The following ANO3 variants were observed in gnomAD, a reference collection of about 807,000 sequenced individuals.
ANO3 encodes anoctamin 3.
ANO3 carries 99 observed loss-of-function variants against 144.8 expected under a neutral mutation model. That is an observed-to-expected ratio of 0.68 (90% CI 0.58 to 0.81). ANO3 has a LOEUF of 0.81. Among genes scored for constraint, ANO3 ranks in the 30% least tolerant of loss-of-function variants. The pLI is 0.00. For missense variants in ANO3, 905 were observed against 1,202.2 expected, an observed-to-expected ratio of 0.75 and a Z score of 3.66; for synonymous variants, 414 against 392.6, an observed-to-expected ratio of 1.05 and a Z score of -0.64.
chr11:26,194,330 G>A (rs1411637522), intron 1 of ANO3, among the ~76,000 whole-genome samples: 1 of 152,040 alleles, frequency 6.6e-6, no homozygotes, highest in African/African-American at 2.4e-5. Context: ...TGTTACTGAT[G>A]AGTAATTTTA....
intron 1 of ANO3, among the ~76,000 whole-genome samples, chr11:26,302,608 AT>A (rs1854262525): frequency 1.3e-5 from 2 of 152,014 alleles, no homozygotes; most frequent in African/African-American, 2.4e-5. Context: ...CTATTTATAT[AT>A]TTACCATTAT....
chr11:26,578,109 A>C (rs1411202809), intron 14 of ANO3, among the ~76,000 whole-genome samples: 4 of 152,220 alleles, frequency 2.6e-5, no homozygotes, highest in African/African-American at 7.2e-5. Context: ...CCAGAGTACT[A>C]GAAAGATTAT....
intron 1 of ANO3, among the ~76,000 whole-genome samples, chr11:26,366,000 A>T (rs199839535): frequency 0.91 from 126,833 of 139,280 alleles, 57,481 homozygotes; most frequent in East Asian, 0.95. Context: ...ATATATATAT[A>T]TATTTTAATT....
chr11:26,313,015 T>C (rs1055326327), intron 1 of ANO3, among the ~76,000 whole-genome samples: 4 of 152,248 alleles, frequency 2.6e-5, no homozygotes, highest in African/African-American at 7.2e-5. Flanking sequence ...CTTTAATCTT[T>C]ATTGTTTCAA....
rs34078380 is a variant in ANO3, at chr11:26,358,170, C to CTTTTTTT, written c.46+25863_46+25869dup. ...CATGAAGCTTAGAATACAATTTCAA[C>CTTTTTTT]TTTTTTTTTTTTTTTTTTTTGAGAT... On this transcript the variant is annotated intron_variant, in intron 1 of 26. Transcript: ENST00000256737. Among the ~76,000 whole-genome samples the CTTTTTTT allele has an allele frequency of 6.7e-5, 8 of 119,658 alleles. 2 individuals are homozygous for CTTTTTTT. The highest frequency in any genetic ancestry group is 1.2e-4 in the African/African-American group (4 of 32,330). The allele number at this position is 119,658 out of a possible 152,430, so 78.5% of individuals were successfully genotyped here. A position where few individuals can be genotyped will look rare whatever the true frequency, so the allele number is the denominator to read the frequency against.
chr11:26,424,176 C>G (rs1459484267), intron 1 of ANO3, among the ~76,000 whole-genome samples: 1 of 150,698 alleles, frequency 6.6e-6, no homozygotes, highest in Non-Finnish European at 1.5e-5. Flanking sequence ...ATTTTTTTTA[C>G]TCTTATAAAT....
intron 17 of ANO3, among the ~76,000 whole-genome samples, chr11:26,610,019 C>G (rs759049259): frequency 6.6e-6 from 1 of 152,242 alleles, no homozygotes; most frequent in African/African-American, 2.4e-5. Flanking sequence ...TCAAGCGATT[C>G]TCCTGCCTCA....
intron 23 of ANO3, among the ~76,000 whole-genome samples, chr11:26,644,850 T>C (rs73436337): frequency 0.27 from 32,399 of 119,368 alleles, 3,660 homozygotes; most frequent in East Asian, 0.39. Flanking sequence ...CACACACACA[T>C]ACCATATATA....
At chr11:26,193,136 CTTTTTTTTT>C (rs34069836) in intron 1 of ANO3, among the ~76,000 whole-genome samples, 1 of 82,570 alleles carries the variant, frequency 1.2e-5, no homozygotes, top group Non-Finnish European at 2.2e-5. Context: ...TTTTGCCTAT[CTTTTTTTTT>C]TTTTTTTTTT....
rs1276381738 is a variant in ANO3, at chr11:26,534,488, G to T, written c.902G>T (p.Ser301Ile). The change falls in exon 9 of 27, where the codon AGC (serine) becomes ATC (isoleucine). Residue 301 changes from serine (S) to isoleucine (I), a missense_variant. Physicochemically the swap from Ser to Ile is moderately radical, Grantham distance 142 (BLOSUM62 -2). Coordinates refer to ENST00000256737, the MANE Select transcript of ANO3 (RefSeq NM_031418.4). ...FIINNKDTFF[S>I]NATRSRIVYH... ...ATAAATAATAAAGACACCTTCTTCA[G>T]CAATGCTACTCGAAGCAGAATAGTC... 1 of 1,612,732 alleles carries T rather than the reference G, an allele frequency of 6.2e-7. No individual in the cohort carries two copies.
Position 26,662,322 on chromosome 11 carries a change from C to T in ANO3, c.*1878C>T, listed in dbSNP as rs377259239. ...CAGAGAGGTTCTCATGCTCCCCCCC[C>T]TCCTTATTTGTAGCAATCGTAGCAA... On this transcript the variant is annotated 3_prime_UTR_variant, in exon 27 of 27. Coordinates refer to ENST00000256737, the MANE Select transcript of ANO3 (RefSeq NM_031418.4). The T allele has an allele frequency of 7.9e-5, 12 of 151,322 alleles. No individual in the cohort carries two copies. Among genetic ancestry groups the T allele is most frequent in the African/African-American group, 1.5e-4 (6 of 41,284 alleles). 9.4% of individuals were successfully genotyped at this position (151,322 alleles called of 1,614,324 possible).
intron 20 of ANO3, among the ~76,000 whole-genome samples, chr11:26,636,816 T>A (rs958205106): frequency 3.9e-5 from 6 of 152,224 alleles, no homozygotes; most frequent in African/African-American, 1.4e-4. Flanking sequence ...TATGCTGGAT[T>A]TAGAGTAAGC....
Position 26,321,289 on chromosome 11 carries a change from T to C in ANO3, c.-3+11570T>C, listed in dbSNP as rs143439970. ...ATCCCCTTGATAGACTTCCGTAACATTTTTACATCCCCTACTCCCAACCAC... is the reference window on the plus strand; with the variant it reads ...ATCCCCTTGATAGACTTCCGTAACACTTTTACATCCCCTACTCCCAACCAC... On this transcript the variant is annotated intron_variant, in intron 1 of 26. Coordinates refer to the ANO3 transcript ENST00000525139. Among the ~76,000 whole-genome samples, 42 of 152,138 alleles carry C rather than the reference T, an allele frequency of 2.8e-4. No individual in the cohort carries two copies. The East Asian group carries it at 5.4e-3, about 20-fold the overall frequency.
intron 1 of ANO3, among the ~76,000 whole-genome samples, chr11:26,284,788 C>T (rs921839811): frequency 2.0e-5 from 3 of 152,052 alleles, no homozygotes; most frequent in African/African-American, 7.2e-5. Context: ...CGCCTGTAGT[C>T]CCAGCTACTC....
intron 1 of ANO3, among the ~76,000 whole-genome samples, chr11:26,372,225 C>G (rs771164756): frequency 5.3e-5 from 8 of 152,168 alleles, no homozygotes; most frequent in Non-Finnish European, 1.0e-4. Context: ...CCCCTTTGCT[C>G]AGCTCTCATT....
At chr11:26,510,069 G>T (rs1001927766) in intron 5 of ANO3, among the ~76,000 whole-genome samples, 1 of 148,148 alleles carries the variant, frequency 6.8e-6, no homozygotes, top group East Asian at 2.0e-4. Context: ...GGGAGATGGA[G>T]CTTGCAGTGA....
chr11:26,637,553 A>G (rs1376538081), intron 20 of ANO3, among the ~76,000 whole-genome samples: 1 of 152,206 alleles, frequency 6.6e-6, no homozygotes, highest in Non-Finnish European at 1.5e-5. Flanking sequence ...TTGCCCCCGT[A>G]GCTTAATAAT....
intron 4 of ANO3, among the ~76,000 whole-genome samples, chr11:26,504,883 G>A (rs1861356888): frequency 6.6e-6 from 1 of 151,858 alleles, no homozygotes; most frequent in South Asian, 2.1e-4. Flanking sequence ...GTGGTGGCGG[G>A]CGCCTGTAGT....
intron 1 of ANO3, among the ~76,000 whole-genome samples, chr11:26,385,893 G>GTGTATATATATA (rs1183332896): frequency 3.8e-4 from 55 of 143,774 alleles, no homozygotes; most frequent in South Asian, 2.3e-3. Flanking sequence ...CTTTGTGTGT[G>GTGTATATATATA]TATATATATT....
Sources: allele counts gnomAD v4.1 joint callset (sites outside exome capture counted in the v4.1 genomes callset), GRCh38; gene constraint gnomAD v4.1.1; transcripts MANE v1.5; gene names NCBI Gene and HGNC (gene_info 2026-07-23, HGNC 2026-07-21).